Variants in WNT11 observed in about 807,000 individuals in gnomAD.
WNT11 encodes protein Wnt-11.
Under a neutral mutation model 35.6 loss-of-function variants are expected in WNT11, and 20 were observed. The observed-to-expected ratio is 0.56, with a 90% confidence interval of 0.40 to 0.82. The LOEUF is 0.82. Ranked by LOEUF, WNT11 falls within the 40% of genes least tolerant of loss-of-function variation. The pLI is 0.00. For synonymous variants in WNT11, 200 were observed against 211.9 expected (o/e 0.94, Z 0.49); for missense variants, 459 against 504.4 (o/e 0.91, Z 0.86).
At position 76,196,723 on chromosome 11, in the gene WNT11, A is replaced by T; in HGVS notation, c.84-5T>A. On this transcript the variant is annotated splice_polypyrimidine_tract_variant and splice_region_variant and intron_variant, in intron 1 of 4. Transcript: ENST00000322563. ...GATGGTGTCTTGGACAGCGCCCTGC[A>T]CACCATGGAAAGGCCATGACCGATG... 6.3e-7 allele frequency: 1 copy of T among 1,593,682 alleles called. No individual in the cohort carries two copies. Among genetic ancestry groups the T allele is most frequent in the Non-Finnish European group, 8.6e-7 (1 of 1,169,282 alleles).
At chr11:76,187,347 C>A in intron 4 of WNT11, 108 bp from the exon 5 acceptor site, 1 of 1,084,310 alleles carries the variant, frequency 9.2e-7, no homozygotes. Flanking sequence ...GCCACCGACT[C>A]AGCCCTTCTT....
chr11:76,201,491 A>C (rs1953377191), intron 1 of WNT11, among the ~76,000 whole-genome samples: 1 of 151,668 alleles, frequency 6.6e-6, no homozygotes, highest in Non-Finnish European at 1.5e-5. Context: ...TGCTCGCTTC[A>C]CTCCAACAGA....
chr11:76,198,091 AC>A (rs918861471), intron 1 of WNT11, among the ~76,000 whole-genome samples: 1 of 152,040 alleles, frequency 6.6e-6, no homozygotes, highest in African/African-American at 2.4e-5. Flanking sequence ...AGATCCCAGA[AC>A]CCCTGGGCTG....
chr11:76,198,192 G>A (rs2134588489), intron 1 of WNT11, among the ~76,000 whole-genome samples: 1 of 152,342 alleles, frequency 6.6e-6, no homozygotes. Context: ...CCTTGAGCAA[G>A]TCACTTAACC....
chr11:76,187,265 A>G (rs753535503), intron 4 of WNT11, 26 bp from the exon 5 acceptor site: 2 of 1,589,028 alleles, frequency 1.3e-6, no homozygotes, highest in Non-Finnish European at 1.7e-6. Context: ...GAAGGAGGTC[A>G]GTGCATGCCT....
Position 76,206,372 on chromosome 11 carries a change from G to T in WNT11, c.36C>A (p.Leu12=). The T allele has an allele frequency of 6.4e-7, 1 of 1,564,774 alleles. No homozygotes were observed. The highest frequency in any genetic ancestry group is 8.6e-7 in the Non-Finnish European group (1 of 1,160,960). Residue 12 remains leucine, a synonymous_variant, in exon 1 of 5, where the codon CTC becomes CTA. Transcript: ENST00000322563. The part of the protein sequence containing the change: ...RARPQVCEAL[L]FALALQTGVC... ...CGCCGGTCTGGAGCGCCAGGGCGAA[G>T]AGCAGCGCCTCGCAGACCTGCGGCC...
intron 1 of WNT11, among the ~76,000 whole-genome samples, chr11:76,203,868 C>G (rs1380289490): frequency 3.9e-5 from 6 of 152,262 alleles, no homozygotes; most frequent in Admixed American, 3.9e-4. Context: ...CTGCTCCCAG[C>G]TGTGCTGGGG....
At chr11:76,192,034 G>A (rs557727734) in intron 3 of WNT11, among the ~76,000 whole-genome samples, 178 bp from the exon 4 acceptor site, 9 of 152,252 alleles carry the variant, frequency 5.9e-5, no homozygotes, top group South Asian at 2.1e-4. Context: ...TCCTGCAACC[G>A]TGGGGGGCAC....
chr11:76,205,154 G>A lies in WNT11; in HGVS notation c.83+1171C>T, dbSNP rs192095689. On this transcript the variant is annotated intron_variant, in intron 1 of 4. Transcript: ENST00000322563. Reference sequence around the variant, plus strand: ...GGCAGGAAGACGGGGTTCCCTCCTCGAATCGTCAATTAATCAATAACTTGG... The same window carrying A: ...GGCAGGAAGACGGGGTTCCCTCCTCAAATCGTCAATTAATCAATAACTTGG... 9.2e-5 allele frequency among the ~76,000 whole-genome samples: 14 copies of A among 152,280 alleles called. No individual in the cohort carries two copies. In the East Asian group the frequency reaches 2.7e-3, roughly 29 times the overall value.
chr11:76,191,796 T>C lies in WNT11; in HGVS notation c.658A>G (p.Ile220Val). Residue 220 changes from isoleucine to valine, a missense_variant, in exon 4 of 5, where the codon ATC (isoleucine) becomes GTC (valine). By Grantham distance (29) the Ile-to-Val change is conservative. Transcript: ENST00000322563. ...TGCAGCCCCTTCCAGCAGGTGCGGATGGAGCAGGAGCCAGACACCCCATGG... is the reference window on the plus strand; with the variant it reads ...TGCAGCCCCTTCCAGCAGGTGCGGACGGAGCAGGAGCCAGACACCCCATGG... Reference protein sequence around the residue: ...KCHGVSGSCSIRTCWKGLQEL... With the variant: ...KCHGVSGSCSVRTCWKGLQEL... 6.2e-7 allele frequency: 1 copy of C among 1,611,308 alleles called. No individual in the cohort carries two copies. Among genetic ancestry groups the C allele is most frequent in the Admixed American group, 1.7e-5 (1 of 60,014 alleles).
At chr11:76,193,335 C>A (rs1017790170) in intron 3 of WNT11, among the ~76,000 whole-genome samples, 1 of 152,220 alleles carries the variant, frequency 6.6e-6, no homozygotes, top group African/African-American at 2.4e-5. Flanking sequence ...CCTCTTTGGG[C>A]TGCATGGTGG....
At chr11:76,187,818 T>C (rs1241435120) in intron 4 of WNT11, among the ~76,000 whole-genome samples, 2 of 152,170 alleles carry the variant, frequency 1.3e-5, no homozygotes, top group African/African-American at 2.4e-5. Flanking sequence ...TTTTTTCTAT[T>C]TCTTCTACTT....
upstream of WNT11, chr11:76,206,872 A>AG (rs34203676): frequency 0.78 from 120,115 of 154,054 alleles, 47,110 homozygotes; most frequent in East Asian, 0.98. Flanking sequence ...GGACAGACGC[A>AG]ACCTGGGACG....
chr11:76,209,694 G>C (rs1953531296), upstream of WNT11, among the ~76,000 whole-genome samples: 1 of 150,626 alleles, frequency 6.6e-6, no homozygotes, highest in South Asian at 2.1e-4. Context: ...GGGTTGTTTT[G>C]GAAGTGGGAA....
rs766633141 is a variant in WNT11 at position 76,186,996 on chromosome 11, C to G, written c.*69G>C. On this transcript the variant is annotated 3_prime_UTR_variant, in exon 5 of 5. Coordinates refer to ENST00000322563, the MANE Select transcript of WNT11 (RefSeq NM_004626.3). Reference sequence around the variant, plus strand: ...CAGAGCTCCATGGAGTGTCTCCAGGCCCCTGGCCCCAGTTGCTGAGGGTCC... The same window carrying G: ...CAGAGCTCCATGGAGTGTCTCCAGGGCCCTGGCCCCAGTTGCTGAGGGTCC... 8.8e-6 allele frequency: 14 copies of G among 1,595,374 alleles called. No homozygotes were observed. The highest frequency in any genetic ancestry group is 6.7e-5 in the Admixed American group (4 of 59,664).
chr11:76,206,339 A>T lies in WNT11; in HGVS notation c.69T>A (p.Tyr23Ter). ...FALALQTGVC[Y>*]GIKWLALSKT... Reference sequence around the variant, plus strand: ...TCCCTACTCACAGCCACTTGATGCCATAGCACACGCCGGTCTGGAGCGCCA... The same window carrying T: ...TCCCTACTCACAGCCACTTGATGCCTTAGCACACGCCGGTCTGGAGCGCCA... The change falls in exon 1 of 5, where the codon TAT (tyrosine) becomes TAA (stop). Residue 23 changes from tyrosine to a stop codon, truncating the protein, a stop_gained. Transcript: ENST00000322563. LOFTEE classifies it high-confidence loss of function. 1 of 1,571,442 alleles carries T rather than the reference A, an allele frequency of 6.4e-7. No homozygotes were observed. The highest frequency in any genetic ancestry group is 8.6e-7 in the Non-Finnish European group (1 of 1,162,932).
intron 1 of WNT11, among the ~76,000 whole-genome samples, chr11:76,205,156 A>AT (rs746521697): frequency 1.2e-4 from 18 of 152,180 alleles, no homozygotes; most frequent in Non-Finnish European, 1.9e-4. Flanking sequence ...CCCTCCTCGA[A>AT]TCGTCAATTA....
chr11:76,195,939 TCC>T (rs1198413444), intron 2 of WNT11, among the ~76,000 whole-genome samples: 4 of 152,198 alleles, frequency 2.6e-5, no homozygotes, highest in Non-Finnish European at 5.9e-5. Flanking sequence ...GTCAAAAGCC[TCC>T]CTATTGTACA....
chr11:76,194,628 T>G lies in WNT11; in HGVS notation c.536A>C (p.Lys179Thr). The G allele has an allele frequency of 6.4e-7, 1 of 1,550,630 alleles. No individual in the cohort carries two copies. Among genetic ancestry groups the G allele is most frequent in the Non-Finnish European group, 8.7e-7 (1 of 1,146,930 alleles). ...AKFSDAPMKV[K>T]KTGSQANKLM... ...TTTATTGGCTTGGGATCCTGTTTTT[T>G]TCACCTTCATAGGAGCATCGGAAAA... is the stretch of plus-strand genomic sequence containing the variant. The change falls in exon 3 of 5, where the codon AAA becomes ACA. Residue 179 changes from lysine (K) to threonine (T), a missense_variant. Physicochemically the swap from Lys to Thr is moderately conservative, Grantham distance 78. Transcript: ENST00000322563. This position sits in a 1 kb window ranked among gnomAD's most constrained non-coding sequence, Gnocchi z 5.4.
Sources: gnomAD v4.1 joint callset for allele counts (sites outside exome capture counted in the v4.1 genomes callset) on GRCh38, gnomAD v4.1.1 for gene constraint, Gnocchi (gnomAD v3.1) non-coding constraint, MANE v1.5 for transcripts, NCBI Gene and HGNC (gene_info 2026-07-23, HGNC 2026-07-21) for gene names.